The following EED variants were observed in gnomAD, a reference collection of about 807,000 sequenced individuals.
The protein encoded by EED is polycomb protein EED.
EED carries 9 observed loss-of-function variants against 61.0 expected under a neutral mutation model. The ratio of observed to expected loss-of-function variants is 0.15; its 90% CI spans 0.09 to 0.26. The LOEUF (loss-of-function observed/expected upper bound fraction) is 0.26. Among genes scored for constraint, EED ranks in the 10% least tolerant of loss-of-function variants. The probability of loss-of-function intolerance (pLI) is 1.00; values close to 1 mark genes in which losing one functional copy is unlikely to be tolerated. For missense variants in EED, 315 were observed against 542.3 expected, an observed-to-expected ratio of 0.58 and a Z score of 4.16; for synonymous variants, 187 against 174.4, an observed-to-expected ratio of 1.07 and a Z score of -0.57.
At position 86,249,752 on chromosome 11, in the gene EED, G is replaced by A. The variant is rs987109002; in HGVS notation, c.115-544G>A. Among the ~76,000 whole-genome samples the A allele has an allele frequency of 3.9e-5, 6 of 152,134 alleles. No homozygotes were observed. In the East Asian group the frequency reaches 9.6e-4, roughly 24 times the overall value. On this transcript the variant is annotated intron_variant, in intron 1 of 11. Transcript: ENST00000263360. ...TTTAAAAAAATTCTAAATGTTTTGC[G>A]TTATAAGCAGAATTTGAATAACAGG...
chr11:86,286,786 C>T, the EED span, among the ~76,000 whole-genome samples: 3 of 151,908 alleles, frequency 2.0e-5, no homozygotes, highest in Admixed American at 1.3e-4. Context: ...TCCTGGCTAA[C>T]ACGGTGAAAC....
intron 9 of EED, among the ~76,000 whole-genome samples, chr11:86,269,334 G>C (rs534525932): frequency 6.6e-6 from 1 of 152,282 alleles, no homozygotes. Flanking sequence ...GTGTGTGTGT[G>C]TGTGTGTTTG....
At chr11:86,277,830 A>T in intron 10 of EED, 88 bp from the exon 11 acceptor site, 4 of 1,325,716 alleles carry the variant, frequency 3.0e-6, no homozygotes, top group South Asian at 3.6e-5. Flanking sequence ...GCTTTTTCTG[A>T]AACAAGAAAG....
intron 1 of EED, among the ~76,000 whole-genome samples, chr11:86,245,806 G>A (rs1945377390): frequency 1.3e-5 from 2 of 152,144 alleles, no homozygotes; most frequent in African/African-American, 4.8e-5. Flanking sequence ...TCGATTTGCG[G>A]AGTTTGGGAG....
intron 10 of EED, 96 bp downstream of exon 10, chr11:86,277,234 C>A: frequency 8.7e-7 from 1 of 1,146,734 alleles, no homozygotes; most frequent in Non-Finnish European, 1.2e-6. Flanking sequence ...TTTTCCTTTA[C>A]AAATCTACCC....
chr11:86,248,339 G>A (rs974631272), intron 1 of EED, among the ~76,000 whole-genome samples: 2 of 152,206 alleles, frequency 1.3e-5, no homozygotes, highest in African/African-American at 4.8e-5. Flanking sequence ...AGTAAAATAA[G>A]CAACGTGCCC....
chr11:86,252,115 T>C (rs1945547406), intron 2 of EED, 33 bp from the exon 3 acceptor site: 1 of 1,570,162 alleles, frequency 6.4e-7, no homozygotes. Flanking sequence ...GTAAGATACA[T>C]TAATCTTTTC....
intron 9 of EED, chr11:86,270,165 CATT>C (rs1411845552): frequency 1.4e-6 from 1 of 699,970 alleles, no homozygotes; most frequent in Non-Finnish European, 2.6e-6. Context: ...TTGGTATTGT[CATT>C]ATTTTTTATT....
chr11:86,275,563 C>T (rs894483301), intron 9 of EED, among the ~76,000 whole-genome samples: 6 of 152,158 alleles, frequency 3.9e-5, no homozygotes, highest in Non-Finnish European at 7.3e-5. Context: ...ATCTTTTTAC[C>T]TCACTTTGCT....
At chr11:86,248,499 A>G (rs1945444802) in intron 1 of EED, among the ~76,000 whole-genome samples, 1 of 152,222 alleles carries the variant, frequency 6.6e-6, no homozygotes, top group South Asian at 2.1e-4. Flanking sequence ...TGGCAAGTGA[A>G]CACATGTTGA....
intron 1 of EED, among the ~76,000 whole-genome samples, chr11:86,246,853 C>T (rs1186991220): frequency 1.3e-5 from 2 of 152,104 alleles, no homozygotes; most frequent in Admixed American, 6.5e-5. Context: ...GTCTTAGTTT[C>T]TTAAAAATGA....
At chr11:86,258,559 T>G (rs1351875207) in intron 6 of EED, among the ~76,000 whole-genome samples, 3 of 150,356 alleles carry the variant, frequency 2.0e-5, no homozygotes, top group Admixed American at 6.6e-5. Context: ...TTTTTGGTTT[T>G]TTTTTTTTTT....
chr11:86,278,918 G>C (rs554751027), downstream of EED: 2 of 179,192 alleles, frequency 1.1e-5, no homozygotes, highest in Non-Finnish European at 2.4e-5. Flanking sequence ...CTCCTACTAC[G>C]TGACCTTGGA....
chr11:86,247,044 A>G (rs1018880685), intron 1 of EED, among the ~76,000 whole-genome samples: 5 of 152,256 alleles, frequency 3.3e-5, no homozygotes, highest in African/African-American at 7.2e-5. Context: ...GCTCTTCCAC[A>G]TACTTAATAA....
intron 6 of EED, among the ~76,000 whole-genome samples, chr11:86,259,812 C>A (rs1010730346): frequency 6.6e-6 from 1 of 152,184 alleles, no homozygotes; most frequent in Non-Finnish European, 1.5e-5. Context: ...CACTTCACAC[C>A]TACTTAGGGT....
chr11:86,265,645 G>A (rs1373968550), intron 7 of EED: 1 of 152,230 alleles, frequency 6.6e-6, no homozygotes, highest in Non-Finnish European at 1.5e-5. Context: ...TATAAAGTAA[G>A]ATGTCAGCTC....
rs1946286915 is a variant in EED at position 86,278,767 on chromosome 11, G to A, written c.*242G>A. ...TGTGTGTTTAGTTACTTTCATTGTG[G>A]TGAAAAAAAGTTAAAAGTAATAAAA... On this transcript the variant is annotated 3_prime_UTR_variant, in exon 12 of 12. Coordinates refer to ENST00000263360, the MANE Select transcript of EED (RefSeq NM_003797.5). 5.4e-6 allele frequency: 2 copies of A among 373,610 alleles called. No homozygotes were observed. The highest frequency in any genetic ancestry group is 9.0e-6 in the Non-Finnish European group (2 of 221,908). The allele number at this position is 373,610 out of a possible 1,614,324, so 23.1% of individuals were successfully genotyped here.
Position 86,277,970 on chromosome 11 carries a change from T to C in EED, c.1178T>C (p.Val393Ala). 2 of 1,541,340 alleles carry C rather than the reference T, an allele frequency of 1.3e-6. 1 individual carries two copies. The highest frequency in any genetic ancestry group is 2.6e-5 in the South Asian group (2 of 76,906). ...AAACTTTATGTTTGGGATTTAGAAGTAGAAGATCCTCATAAAGCCAAGTAA... is the reference window on the plus strand; with the variant it reads ...AAACTTTATGTTTGGGATTTAGAAGCAGAAGATCCTCATAAAGCCAAGTAA... ...VGKLYVWDLEVEDPHKAKCTT... is the reference protein window; with the variant it reads ...VGKLYVWDLEAEDPHKAKCTT... Residue 393 changes from valine to alanine, a missense_variant, in exon 11 of 12, where the codon GTA becomes GCA. Transcript: ENST00000263360.
intron 9 of EED, among the ~76,000 whole-genome samples, chr11:86,275,745 T>C (rs75406003): frequency 0.031 from 4,746 of 152,300 alleles, 240 homozygotes; most frequent in African/African-American, 0.11. Context: ...ATGAGTCTTT[T>C]GAGAAAACTC....
Sources: allele counts gnomAD v4.1 joint callset (sites outside exome capture counted in the v4.1 genomes callset), GRCh38; gene constraint gnomAD v4.1.1; transcripts MANE v1.5; gene names NCBI Gene and HGNC (gene_info 2026-07-23, HGNC 2026-07-21).